The following GOLGA5 variants were observed in gnomAD, a reference collection of about 807,000 sequenced individuals.
The protein encoded by GOLGA5 is golgin subfamily A member 5.
In GOLGA5, 50 loss-of-function variants were observed where a neutral mutation model predicts 93.5. That is an observed-to-expected ratio of 0.53 (90% CI 0.43 to 0.68). GOLGA5 has a LOEUF of 0.68. Ranked by LOEUF, GOLGA5 falls within the 30% of genes least tolerant of loss-of-function variation. The pLI, the probability that GOLGA5 is intolerant of heterozygous loss-of-function variation, is 0.00. For missense variants in GOLGA5, 760 were observed against 856.4 expected (o/e 0.89, Z 1.40); for synonymous variants, 312 against 304.5 (o/e 1.02, Z -0.26).
chr14:92,824,740 C>G (rs1885382773), intron 9 of GOLGA5, 96 bp downstream of exon 9: 3 of 653,514 alleles, frequency 4.6e-6, no homozygotes. Flanking sequence ...GTGTTTTCAC[C>G]TGAGTTCTTT....
chr14:92,834,881 T>C (rs1353512534), intron 10 of GOLGA5, among the ~76,000 whole-genome samples: 1 of 152,144 alleles, frequency 6.6e-6, no homozygotes, highest in East Asian at 1.9e-4. Flanking sequence ...CATTAATCCA[T>C]GTGAGAGATG....
intron 7 of GOLGA5, among the ~76,000 whole-genome samples, chr14:92,816,711 G>A (rs1885216619): frequency 6.6e-6 from 1 of 152,082 alleles, no homozygotes; most frequent in South Asian, 2.1e-4. Flanking sequence ...ACAGGCACAT[G>A]CCATCACGCC....
intron 8 of GOLGA5, among the ~76,000 whole-genome samples, chr14:92,823,831 A>AGGAGAACTGACATCTTTATG (rs1328362451): frequency 1.4e-5 from 2 of 146,990 alleles, no homozygotes; most frequent in East Asian, 3.9e-4. Flanking sequence ...AATTAATTAG[A>AGGAGAACTGACATCTTTATG]GGAGAACTGA....
At chr14:92,816,958 T>C (rs1322425119) in intron 7 of GOLGA5, among the ~76,000 whole-genome samples, 1 of 151,778 alleles carries the variant, frequency 6.6e-6, no homozygotes, top group Non-Finnish European at 1.5e-5. Flanking sequence ...TTTTTTGAGA[T>C]GGAGTCTCGG....
In GOLGA5 at chr14:92,811,674, G is replaced by A; in HGVS notation, c.1240G>A (p.Val414Ile). ...KKRVDELQQQVKLYKLNLESS... is the reference protein window; with the variant it reads ...KKRVDELQQQIKLYKLNLESS... ...GAGGGTTGATGAACTGCAGCAGCAA[G>A]TCAAGCTGTATAAGTTGAACTTGGA... The change falls in exon 6 of 13, where the codon GTC becomes ATC. Residue 414 changes from valine to isoleucine, a missense_variant. Transcript: ENST00000163416. 1.2e-6 allele frequency: 2 copies of A among 1,613,042 alleles called. No individual in the cohort carries two copies. The highest frequency in any genetic ancestry group is 1.7e-6 in the Non-Finnish European group (2 of 1,179,426).
intron 9 of GOLGA5, among the ~76,000 whole-genome samples, chr14:92,829,699 A>G (rs913687094): frequency 9.9e-5 from 15 of 152,196 alleles, no homozygotes; most frequent in Non-Finnish European, 2.2e-4. Context: ...AATGACAACA[A>G]AGAATTTAGA....
chr14:92,817,274 T>C (rs990831769), intron 7 of GOLGA5, among the ~76,000 whole-genome samples: 4 of 152,134 alleles, frequency 2.6e-5, no homozygotes, highest in African/African-American at 7.2e-5. Flanking sequence ...CATAAAGTTA[T>C]GGTGATAAAA....
chr14:92,837,586 C>T, intron 12 of GOLGA5, 137 bp downstream of exon 12: 1 of 600,756 alleles, frequency 1.7e-6, no homozygotes. Flanking sequence ...TTTTTTGAAA[C>T]AGGGTCTGGC....
intron 6 of GOLGA5, among the ~76,000 whole-genome samples, chr14:92,813,187 C>T (rs1043869372): frequency 3.9e-5 from 6 of 152,138 alleles, no homozygotes; most frequent in Admixed American, 3.9e-4. Flanking sequence ...ACTCTTCTTT[C>T]TAAGTACTTT....
intron 6 of GOLGA5, among the ~76,000 whole-genome samples, chr14:92,813,034 G>A (rs1025969298): frequency 1.3e-5 from 2 of 152,122 alleles, no homozygotes; most frequent in African/African-American, 2.4e-5. Flanking sequence ...TCTGGTCAAC[G>A]TTACTGCCAT....
At chr14:92,823,358 T>C (rs1885352717) in intron 8 of GOLGA5, among the ~76,000 whole-genome samples, 1 of 152,096 alleles carries the variant, frequency 6.6e-6, no homozygotes, top group South Asian at 2.1e-4. Flanking sequence ...TGAGATTTTA[T>C]ATGTTTTAAT....
rs1884774082 is a variant in GOLGA5 at position 92,797,946 on chromosome 14, C to A, written c.509C>A (p.Thr170Asn). The A allele has an allele frequency of 6.3e-7, 1 of 1,591,208 alleles. No homozygotes were observed. ...SVNPSVTTIK[T>N]IEENSFGSQT... ...AACCCCAGTGTAACCACCATCAAAA[C>A]CATTGAAGAAAATTCTTTTGGGAGC... is the stretch of plus-strand genomic sequence containing the variant. Residue 170 changes from threonine (T) to asparagine (N), a missense_variant, in exon 2 of 13, where the codon ACC (threonine) becomes AAC (asparagine). Thr to Asn is a moderately conservative substitution (Grantham distance 65). Coordinates refer to ENST00000163416, the MANE Select transcript of GOLGA5 (RefSeq NM_005113.4).
In GOLGA5 at chr14:92,811,441, A is replaced by G. The variant is rs1012921235; in HGVS notation, c.1117-110A>G. ...TTAAGAATTTTTTCCCATCCCTACT[A>G]TGTTGTTTGGCTGAGCTAATAAATC... On this transcript the variant is annotated intron_variant, in intron 5 of 12. Transcript: ENST00000163416. 118 of 764,798 alleles carry G rather than the reference A, an allele frequency of 1.5e-4. 1 individual carries two copies. Among genetic ancestry groups the G allele is most frequent in the Admixed American group, 1.4e-4 (6 of 42,844 alleles). The allele number at this position is 764,798 out of a possible 1,614,324, so 47.4% of individuals were successfully genotyped here.
At chr14:92,824,490 G>A in intron 8 of GOLGA5, 56 bp from the exon 9 acceptor site, 1 of 824,996 alleles carries the variant, frequency 1.2e-6, no homozygotes, top group Non-Finnish European at 2.1e-6. Context: ...TAGGTACTGA[G>A]GATGGAATAG....
chr14:92,810,167 A>G, intron 4 of GOLGA5, 87 bp from the exon 5 acceptor site: 1 of 884,838 alleles, frequency 1.1e-6, no homozygotes, highest in Non-Finnish European at 1.8e-6. Flanking sequence ...TTTGTGCTTG[A>G]CTAAAGCTGA....
At chr14:92,815,008 G>A (rs1404864466) in intron 6 of GOLGA5, among the ~76,000 whole-genome samples, 2 of 152,120 alleles carry the variant, frequency 1.3e-5, no homozygotes, top group African/African-American at 4.8e-5. Context: ...TCATTTGTGA[G>A]CACCTTCTTC....
At position 92,816,386 on chromosome 14, in the gene GOLGA5, A is replaced by G. The variant is rs34139657; in HGVS notation, c.1456A>G (p.Met486Val). 7.3e-4 allele frequency: 1,173 copies of G among 1,614,084 alleles called. 7 individuals are homozygous for G. In the African/African-American group the frequency reaches 0.013, roughly 18 times the overall value. The change falls in exon 7 of 13, where the codon ATG becomes GTG. Residue 486 changes from methionine to valine, a missense_variant. Met to Val is a conservative substitution (Grantham distance 21, BLOSUM62 1). Coordinates refer to ENST00000163416, the MANE Select transcript of GOLGA5 (RefSeq NM_005113.4). Reference protein sequence around the residue: ...EMQREEIQKLMGQIHQLRSEL... With the variant: ...EMQREEIQKLVGQIHQLRSEL... ...GCAGAGGGAGGAAATACAGAAGCTG[A>G]TGGGCCAGATACATCAGCTCAGATC...
chr14:92,838,668 A>G (rs1252057136), intron 12 of GOLGA5, among the ~76,000 whole-genome samples: 1 of 152,166 alleles, frequency 6.6e-6, no homozygotes, highest in Non-Finnish European at 1.5e-5. Flanking sequence ...ACCTGGCATA[A>G]TAACAAGTTT....
chr14:92,837,473 CAAT>C (rs758506739), intron 12 of GOLGA5, 24 bp downstream of exon 12: 24 of 954,734 alleles, frequency 2.5e-5, no homozygotes, highest in East Asian at 9.6e-5. Flanking sequence ...TTTGAAAAAA[CAAT>C]GATGCACTTG....
Sources: allele counts gnomAD v4.1 joint callset (sites outside exome capture counted in the v4.1 genomes callset), GRCh38; gene constraint gnomAD v4.1.1; transcripts MANE v1.5; gene names NCBI Gene and HGNC (gene_info 2026-07-23, HGNC 2026-07-21).